Variants in DNAH10 observed in about 807,000 individuals in gnomAD.
The protein encoded by DNAH10 is dynein axonemal heavy chain 10.
DNAH10 carries 348 observed loss-of-function variants against 506.6 expected under a neutral mutation model. The observed-to-expected ratio is 0.69, with a 90% CI of 0.63 to 0.75. The LOEUF is 0.75. Among genes scored for constraint, DNAH10 ranks in the 30% least tolerant of loss-of-function variants. The probability of loss-of-function intolerance (pLI) is 0.00; values close to 1 mark genes in which losing one functional copy is unlikely to be tolerated. For missense variants in DNAH10, 5,179 were observed against 5,787.1 expected (o/e 0.89, Z 3.41); for synonymous variants, 2,059 against 2,198.6 (o/e 0.94, Z 1.78).
At position 123,884,492 on chromosome 12, in the gene DNAH10, A is replaced by G. The variant is rs144921388; in HGVS notation, c.8824-2650A>G. 9.2e-5 allele frequency among the ~76,000 whole-genome samples: 14 copies of G among 152,266 alleles called. No homozygotes were observed. The East Asian group carries it at 1.7e-3, about 19-fold the overall frequency. ...GGGTGCCAGCATGGTCGGGCTCCAG[A>G]GAGGGCCCTCTCCCGGGCTGCAGAT... On this transcript the variant is annotated intron_variant, in intron 51 of 78. Transcript: ENST00000673944.
At chr12:123,847,143 TATCCATCCATCCATCC>T (rs57589181) in intron 32 of DNAH10, among the ~76,000 whole-genome samples, 7,050 of 144,870 alleles carry the variant, frequency 0.049, 431 homozygotes, top group African/African-American at 0.15. Flanking sequence ...TCCATCTACA[TATCCATCCATCCATCC>T]ATCCATCCAT....
chr12:123,892,764 G>T (rs905132975), intron 52 of DNAH10, among the ~76,000 whole-genome samples: 1 of 152,224 alleles, frequency 6.6e-6, no homozygotes, highest in Non-Finnish European at 1.5e-5. Flanking sequence ...GACATTTGGG[G>T]CTGGGCTGTT....
intron 6 of DNAH10, among the ~76,000 whole-genome samples, chr12:123,782,672 A>C (rs1957708319): frequency 1.3e-5 from 2 of 151,740 alleles, no homozygotes. Flanking sequence ...TTGGTCTCTC[A>C]AAGTGTTGAG....
rs755255812 is a variant in DNAH10, at chr12:123,808,865, C to T, written c.3056C>T (p.Thr1019Met). 8.7e-6 allele frequency: 14 copies of T among 1,614,164 alleles called. No individual in the cohort carries two copies. The highest frequency in any genetic ancestry group is 6.7e-5 in the East Asian group (3 of 44,888). Residue 1019 changes from threonine (T) to methionine (M), a missense_variant, in exon 19 of 79, where the codon ACG (threonine) becomes ATG (methionine). By Grantham distance (81) the Thr-to-Met change is moderately conservative. Coordinates refer to ENST00000673944, the MANE Select transcript of DNAH10 (RefSeq NM_001372106.1). ...CTGTTCCACACTGAAACCATTCTGACGGCACCTGAGATCATCCTTCATCCC... is the reference window on the plus strand; with the variant it reads ...CTGTTCCACACTGAAACCATTCTGATGGCACCTGAGATCATCCTTCATCCC... ...VPLFHTETILTAPEIILHPNT... is the reference protein window; with the variant it reads ...VPLFHTETILMAPEIILHPNT...
chr12:123,865,581 T>C (rs1367018283), intron 40 of DNAH10, among the ~76,000 whole-genome samples: 1 of 152,192 alleles, frequency 6.6e-6, no homozygotes, highest in Non-Finnish European at 1.5e-5. Flanking sequence ...ATCTCAACTA[T>C]GTTAAAAAAA....
rs1431405739 is a variant in DNAH10 at position 123,853,011 on chromosome 12, T to A, written c.6292-195T>A. On this transcript the variant is annotated intron_variant, in intron 35 of 78. Coordinates refer to ENST00000673944, the MANE Select transcript of DNAH10 (RefSeq NM_001372106.1). This position sits in a 1 kb window ranked among gnomAD's most constrained non-coding sequence, Gnocchi z 4.7. Reference sequence around the variant, plus strand: ...AACACAGATGTTTCTTCAAATTAGTTCCCAATTTGCCATATTTAAAAATGA... The same window carrying A: ...AACACAGATGTTTCTTCAAATTAGTACCCAATTTGCCATATTTAAAAATGA... Among the ~76,000 whole-genome samples the A allele has an allele frequency of 1.3e-5, 2 of 152,170 alleles. No homozygotes were observed. Among genetic ancestry groups the A allele is most frequent in the Non-Finnish European group, 2.9e-5 (2 of 68,040 alleles).
intron 47 of DNAH10, 111 bp from the exon 48 acceptor site, chr12:123,877,625 C>T: frequency 1.4e-6 from 2 of 1,396,236 alleles, no homozygotes; most frequent in Non-Finnish European, 1.9e-6. Flanking sequence ...CAACTTCATT[C>T]CTTTCTATAG....
In DNAH10 at chr12:123,925,193, A is replaced by G. The variant is rs1954889756; in HGVS notation, c.11910A>G (p.Thr3970=). ...CCGTGACTGACTATGTGACTGTAAC[A>G]ATGGGAGAGAAGTAAGTGTGTCGTT... ...YRAVTDYVTV[T]MGEKYVQPPM... is the part of the protein sequence containing the mutation. The change falls in exon 68 of 79, where the codon ACA becomes ACG. Residue 3970 remains threonine (T), a synonymous_variant. Coordinates refer to ENST00000673944, the MANE Select transcript of DNAH10 (RefSeq NM_001372106.1). This position sits in a 1 kb window ranked among gnomAD's most constrained non-coding sequence, Gnocchi z 4.0. The G allele has an allele frequency of 6.2e-7, 1 of 1,613,840 alleles. No individual in the cohort carries two copies. Among genetic ancestry groups the G allele is most frequent in the African/African-American group, 1.3e-5 (1 of 74,894 alleles).
chr12:123,890,870 C>T (rs1309177955), intron 52 of DNAH10, among the ~76,000 whole-genome samples: 1 of 152,056 alleles, frequency 6.6e-6, no homozygotes, highest in Admixed American at 6.6e-5. Context: ...TCAGTGCTTC[C>T]ATTTGCTGAG....
intron 27 of DNAH10, among the ~76,000 whole-genome samples, chr12:123,834,735 T>A (rs1362208212): frequency 1.2e-4 from 19 of 152,146 alleles, no homozygotes; most frequent in Admixed American, 1.2e-3. Context: ...TCAATGGATT[T>A]ACCTATTTTG....
chr12:123,785,653 AAG>A lies in DNAH10; in HGVS notation c.1231-90_1231-89del. ...GTCTCAAGGAAAAAAAAAAAAAAAA[AAG>A]AGTGAAACTTCTTGCATGCTTACTG... On this transcript the variant is annotated intron_variant, in intron 8 of 78. Coordinates refer to ENST00000673944, the MANE Select transcript of DNAH10 (RefSeq NM_001372106.1). This position sits in a 1 kb window ranked among gnomAD's most constrained non-coding sequence, Gnocchi z 4.1. 1.7e-6 allele frequency: 2 copies of A among 1,161,308 alleles called. No homozygotes were observed. The highest frequency in any genetic ancestry group is 2.6e-5 in the East Asian group (1 of 38,546). The allele number at this position is 1,161,308 out of a possible 1,614,324, so 71.9% of individuals were successfully genotyped here.
At chr12:123,813,022 T>C (rs1037810871) in intron 19 of DNAH10, 142 bp from the exon 20 acceptor site, 3 of 643,850 alleles carry the variant, frequency 4.7e-6, no homozygotes, top group East Asian at 2.8e-5. Context: ...AGGATTATGG[T>C]AATTTTTGAA....
chr12:123,930,387 G>A lies in DNAH10; in HGVS notation c.12613-15G>A, dbSNP rs778203815. 1.3e-6 allele frequency: 2 copies of A among 1,531,124 alleles called. No individual in the cohort carries two copies. Among genetic ancestry groups the A allele is most frequent in the East Asian group, 2.4e-5 (1 of 41,970 alleles). 94.8% of individuals were successfully genotyped at this position (1,531,124 alleles called of 1,614,324 possible). ...TTCTGAGCTCCTGGCTGGCTCTCAGGCCCTCTAATTTCAGGTCATGTATGG... is the reference window on the plus strand; with the variant it reads ...TTCTGAGCTCCTGGCTGGCTCTCAGACCCTCTAATTTCAGGTCATGTATGG... On this transcript the variant is annotated splice_polypyrimidine_tract_variant and intron_variant, in intron 72 of 78. Coordinates refer to ENST00000673944, the MANE Select transcript of DNAH10 (RefSeq NM_001372106.1).
intron 56 of DNAH10, among the ~76,000 whole-genome samples, chr12:123,899,037 G>A (rs1953394222): frequency 6.6e-6 from 1 of 152,190 alleles, no homozygotes; most frequent in Non-Finnish European, 1.5e-5. Context: ...CATAAGCACT[G>A]AGAAGCTACC....
rs769547819 is a variant in DNAH10 at position 123,903,132 on chromosome 12, C to T, written c.9815+19C>T. 4 of 1,592,640 alleles carry T rather than the reference C, an allele frequency of 2.5e-6. No homozygotes were observed. Among genetic ancestry groups the T allele is most frequent in the Admixed American group, 3.5e-5 (2 of 57,518 alleles). On this transcript the variant is annotated intron_variant, in intron 57 of 78. Coordinates refer to ENST00000673944, the MANE Select transcript of DNAH10 (RefSeq NM_001372106.1). The surrounding 1 kb of genome is among the most constrained non-coding windows in gnomAD (Gnocchi z 4.6). ...AGATTAGGTAATGCACCTGAGCCAC[C>T]ATTCTGGGCTTCCATTCCACCTCTG...
chr12:123,928,858 C>A lies in DNAH10; in HGVS notation c.12306+271C>A, dbSNP rs560000935. 33 of 387,772 alleles carry A rather than the reference C, an allele frequency of 8.5e-5. No individual in the cohort carries two copies. The East Asian group carries it at 1.0e-3, about 12-fold the overall frequency. The allele number at this position is 387,772 out of a possible 1,614,324, so 24.0% of individuals were successfully genotyped here. A position where few individuals can be genotyped will look rare whatever the true frequency, so the allele number is the denominator to read the frequency against. On this transcript the variant is annotated intron_variant, in intron 70 of 78. Transcript: ENST00000673944. The surrounding 1 kb of genome is among the most constrained non-coding windows in gnomAD (Gnocchi z 4.9). The stretch of plus-strand genomic sequence containing the variant: ...CGCTACTTTTCATAAACTTCACGGC[C>A]CCCCCCCCCACACACAGCCTGCAGT...
chr12:123,808,930 C>T lies in DNAH10; in HGVS notation c.3121C>T (p.Arg1041Trp), dbSNP rs138047908. Reference protein sequence around the residue: ...EIDKMCFHCVRNCVEITKHFV... With the variant: ...EIDKMCFHCVWNCVEITKHFV... ...CGACAAGATGTGCTTCCATTGTGTC[C>T]GGAATTGCGTGGAGATCACCAAGGT... Residue 1041 changes from arginine (R) to tryptophan (W), a missense_variant, in exon 19 of 79, where the codon CGG becomes TGG. Arg to Trp is a moderately radical substitution (Grantham distance 101, BLOSUM62 -3). Coordinates refer to ENST00000673944, the MANE Select transcript of DNAH10 (RefSeq NM_001372106.1). The T allele has an allele frequency of 1.5e-5, 24 of 1,614,004 alleles. No homozygotes were observed. Among genetic ancestry groups the T allele is most frequent in the Admixed American group, 3.3e-5 (2 of 60,000 alleles).
rs1957260320 is a variant in DNAH10 at position 123,771,718 on chromosome 12, CTTG to C, written c.396+24_396+26del. On this transcript the variant is annotated intron_variant, in intron 3 of 78. Coordinates refer to ENST00000673944, the MANE Select transcript of DNAH10 (RefSeq NM_001372106.1). ...TCCAAAGTAAGCATGGCTCTTTGTCCTTGTTGGTGGGGTAATGGGGACCCTTGA... is the reference window on the plus strand; with the variant it reads ...TCCAAAGTAAGCATGGCTCTTTGTCCTTGGTGGGGTAATGGGGACCCTTGA... 1.3e-6 allele frequency: 2 copies of C among 1,589,408 alleles called. No individual in the cohort carries two copies. Among genetic ancestry groups the C allele is most frequent in the South Asian group, 2.3e-5 (2 of 87,792 alleles).
Position 123,867,894 on chromosome 12 carries a change from G to A in DNAH10, c.7303-9G>A. ...TGTGGGCTGAACCAGATATTTTCCTGTGAACCAGGTAACCCAGTTAGCCAA... is the reference window on the plus strand; with the variant it reads ...TGTGGGCTGAACCAGATATTTTCCTATGAACCAGGTAACCCAGTTAGCCAA... On this transcript the variant is annotated splice_polypyrimidine_tract_variant and intron_variant, in intron 42 of 78. Transcript: ENST00000673944. 6.2e-7 allele frequency: 1 copy of A among 1,610,874 alleles called. No individual in the cohort carries two copies. The highest frequency in any genetic ancestry group is 1.7e-5 in the Admixed American group (1 of 59,540).
Sources: gnomAD v4.1 joint callset for allele counts (sites outside exome capture counted in the v4.1 genomes callset) on GRCh38, gnomAD v4.1.1 for gene constraint, Gnocchi (gnomAD v3.1) non-coding constraint, MANE v1.5 for transcripts, NCBI Gene and HGNC (gene_info 2026-07-23, HGNC 2026-07-21) for gene names.